Variants in FUT9 observed in about 807,000 individuals in gnomAD.
FUT9 encodes fucosyltransferase 9.
In FUT9, 15 loss-of-function variants were observed where a neutral mutation model predicts 29.7. That is an observed-to-expected ratio of 0.51 (90% CI 0.34 to 0.78). The LOEUF (loss-of-function observed/expected upper bound fraction) is 0.78, where lower values mean the gene tolerates loss of function less well. FUT9 is among the 30% of genes least tolerant of loss of function. The probability of loss-of-function intolerance (pLI) is 0.01; values close to 1 mark genes in which losing one functional copy is unlikely to be tolerated. For missense variants in FUT9, 319 were observed against 425.4 expected, an observed-to-expected ratio of 0.75 and a Z score of 2.20; for synonymous variants, 169 against 153.7, an observed-to-expected ratio of 1.10 and a Z score of -0.74.
intron 1 of FUT9, among the ~76,000 whole-genome samples, chr6:96,113,270 G>C (rs1459144200): frequency 6.6e-6 from 1 of 151,740 alleles, no homozygotes; most frequent in Non-Finnish European, 1.5e-5. Flanking sequence ...ACAGAGTCTT[G>C]CTCTGTCACT....
At chr6:96,174,103 T>TGG (rs1430526933) in intron 2 of FUT9, among the ~76,000 whole-genome samples, 1 of 152,116 alleles carries the variant, frequency 6.6e-6, no homozygotes, top group African/African-American at 2.4e-5. Flanking sequence ...AATTCCTTCA[T>TGG]GGGTTTTGCA....
At chr6:96,040,956 A>G (rs993888596) in intron 1 of FUT9, among the ~76,000 whole-genome samples, 4 of 152,116 alleles carry the variant, frequency 2.6e-5, no homozygotes, top group Non-Finnish European at 5.9e-5. Context: ...TTGATGCACT[A>G]GAATTCTCAG....
At chr6:96,191,438 G>A (rs1773506698) in intron 2 of FUT9, among the ~76,000 whole-genome samples, 1 of 152,150 alleles carries the variant, frequency 6.6e-6, no homozygotes, top group Non-Finnish European at 1.5e-5. Flanking sequence ...TACAATCAGA[G>A]AATGCTATAA....
At chr6:96,186,602 T>C (rs1325118092) in intron 2 of FUT9, among the ~76,000 whole-genome samples, 7 of 152,148 alleles carry the variant, frequency 4.6e-5, no homozygotes, top group Non-Finnish European at 1.0e-4. Context: ...AGATTTATTA[T>C]AAGGTATTGG....
At chr6:96,048,819 G>T (rs9485587) in intron 1 of FUT9, among the ~76,000 whole-genome samples, 23,343 of 152,090 alleles carry the variant, frequency 0.15, 2,052 homozygotes, top group African/African-American at 0.22. Context: ...CTGATTCAAA[G>T]TCTGATTTTC....
At chr6:96,170,626 G>C (rs1327206708) in intron 2 of FUT9, among the ~76,000 whole-genome samples, 1 of 151,864 alleles carries the variant, frequency 6.6e-6, no homozygotes, top group Non-Finnish European at 1.5e-5. Context: ...TAGAATCATT[G>C]CCTTCTAGGT....
At chr6:96,053,445 A>G (rs1296751236) in intron 1 of FUT9, among the ~76,000 whole-genome samples, 1 of 152,222 alleles carries the variant, frequency 6.6e-6, no homozygotes, top group Non-Finnish European at 1.5e-5. Flanking sequence ...GCAGTGGCTC[A>G]TGCCTGTAAT....
intron 2 of FUT9, among the ~76,000 whole-genome samples, chr6:96,196,013 G>A (rs1398700570): frequency 6.6e-6 from 1 of 152,094 alleles, no homozygotes; most frequent in African/African-American, 2.4e-5. Context: ...TTGTTGTGGG[G>A]TGTTTTGGCT....
intron 2 of FUT9, among the ~76,000 whole-genome samples, chr6:96,185,087 G>C (rs1773381201): frequency 6.6e-6 from 1 of 151,792 alleles, no homozygotes; most frequent in African/African-American, 2.4e-5. Flanking sequence ...GGAATCCCCT[G>C]ATAATCAAAA....
chr6:96,078,716 G>A (rs1253823204), intron 1 of FUT9, among the ~76,000 whole-genome samples: 5 of 151,690 alleles, frequency 3.3e-5, no homozygotes, highest in Non-Finnish European at 7.4e-5. Flanking sequence ...CACCGCACCC[G>A]GCCCATATTA....
chr6:96,072,405 CT>C (rs1294022868), intron 1 of FUT9, among the ~76,000 whole-genome samples: 1 of 152,202 alleles, frequency 6.6e-6, no homozygotes, highest in Non-Finnish European at 1.5e-5. Flanking sequence ...CTCTGCATCA[CT>C]TTGTAGATTG....
intron 1 of FUT9, among the ~76,000 whole-genome samples, chr6:96,079,352 A>G (rs192270707): frequency 6.6e-6 from 1 of 152,286 alleles, no homozygotes; most frequent in East Asian, 1.9e-4. Flanking sequence ...TTTAGGTGGC[A>G]TCTGAAGTCA....
chr6:96,040,512 A>C (rs533549310), intron 1 of FUT9, among the ~76,000 whole-genome samples: 31 of 152,300 alleles, frequency 2.0e-4, no homozygotes, highest in Admixed American at 1.8e-3. Flanking sequence ...GAAGGATCAG[A>C]TCAAAAAACA....
chr6:96,191,610 G>T (rs1773510387), intron 2 of FUT9, among the ~76,000 whole-genome samples: 1 of 152,108 alleles, frequency 6.6e-6, no homozygotes, highest in African/African-American at 2.4e-5. Flanking sequence ...ACTAAAAAAA[G>T]TCCAGGACCA....
intron 2 of FUT9, among the ~76,000 whole-genome samples, chr6:96,187,323 C>A (rs188353433): frequency 3.3e-5 from 5 of 152,242 alleles, no homozygotes; most frequent in Admixed American, 2.6e-4. Context: ...AGTTTTCCAA[C>A]TGCAACATAA....
At chr6:96,176,605 CT>C (rs1223424853) in intron 2 of FUT9, among the ~76,000 whole-genome samples, 2 of 152,056 alleles carry the variant, frequency 1.3e-5, no homozygotes, top group African/African-American at 4.8e-5. Flanking sequence ...GGAAATTTTG[CT>C]TTTTCATTCG....
chr6:96,212,521 T>C lies in FUT9; in HGVS notation c.*8286T>C. The C allele has an allele frequency of 2.5e-6, 1 of 406,944 alleles. No homozygotes were observed. Among genetic ancestry groups the C allele is most frequent in the Non-Finnish European group, 4.5e-6 (1 of 222,094 alleles). The allele number at this position is 406,944 out of a possible 1,614,324, so 25.2% of individuals were successfully genotyped here. A position where few individuals can be genotyped will look rare whatever the true frequency, so the allele number is the denominator to read the frequency against. On this transcript the variant is annotated 3_prime_UTR_variant, in exon 3 of 3. Coordinates refer to ENST00000302103, the MANE Select transcript of FUT9 (RefSeq NM_006581.4). Reference sequence around the variant, plus strand: ...AAGACTATCATATTTGAGAACAAGATTTTACTTAGAAGGGAAAAAAAAGAA... The same window carrying C: ...AAGACTATCATATTTGAGAACAAGACTTTACTTAGAAGGGAAAAAAAAGAA...
rs142992106 is a variant in FUT9 at position 96,025,835 on chromosome 6, G to C, written c.-98+9623G>C. ...CAACTTAACATGAAAGTCTGCCACA[G>C]TTGAATGGATGCTGGTAGAAAACAA... On this transcript the variant is annotated intron_variant, in intron 1 of 2. Coordinates refer to ENST00000302103, the MANE Select transcript of FUT9 (RefSeq NM_006581.4). 8.3e-3 allele frequency among the ~76,000 whole-genome samples: 1,266 copies of C among 151,800 alleles called. 8 individuals are homozygous for C. Among genetic ancestry groups the C allele is most frequent in the Non-Finnish European group, 0.011 (731 of 67,756 alleles).
At chr6:96,124,593 T>C (rs1772097751) in intron 2 of FUT9, among the ~76,000 whole-genome samples, 1 of 152,126 alleles carries the variant, frequency 6.6e-6, no homozygotes, top group South Asian at 2.1e-4. Flanking sequence ...CATTCTAGAA[T>C]GGCTTCTAGT....
Sources: allele counts gnomAD v4.1 joint callset (sites outside exome capture counted in the v4.1 genomes callset), GRCh38; gene constraint gnomAD v4.1.1; transcripts MANE v1.5; gene names NCBI Gene and HGNC (gene_info 2026-07-23, HGNC 2026-07-21).